TAF2: variants seen among roughly 807,000 people sequenced by gnomAD.
The protein encoded by TAF2 is TATA-box binding protein associated factor 2.
Under a neutral mutation model 138.5 loss-of-function variants are expected in TAF2, and 61 were observed. That is an observed-to-expected ratio of 0.44 (90% CI 0.36 to 0.54). TAF2 has a LOEUF of 0.54. TAF2 is among the 20% of genes least tolerant of loss of function. The pLI is 0.00. For synonymous variants in TAF2, 475 were observed against 469.9 expected (o/e 1.01, Z -0.14); for missense variants, 1,090 against 1,427.9 (o/e 0.76, Z 3.81).
In TAF2 at chr8:119,758,977, T is replaced by G. The variant is rs117575198; in HGVS notation, c.2699-835A>C. ...TAGCATTCTTTTGAAAATCCTAATA[T>G]TAGTATTCTATTTCATTTAAGGTAG... On this transcript the variant is annotated intron_variant, in intron 20 of 25. Transcript: ENST00000378164. Among the ~76,000 whole-genome samples, 1,084 of 152,234 alleles carry G rather than the reference T, an allele frequency of 7.1e-3. 3 individuals are homozygous for G. Among genetic ancestry groups the G allele is most frequent in the Non-Finnish European group, 0.01 (693 of 67,948 alleles).
chr8:119,777,673 G>C (rs1456245287), intron 18 of TAF2, among the ~76,000 whole-genome samples: 2 of 152,098 alleles, frequency 1.3e-5, no homozygotes, highest in Non-Finnish European at 2.9e-5. Flanking sequence ...GGTATCATTA[G>C]GTGAACAAAA....
intron 3 of TAF2, among the ~76,000 whole-genome samples, chr8:119,810,593 G>T (rs1824984343): frequency 6.6e-6 from 1 of 152,164 alleles, no homozygotes; most frequent in African/African-American, 2.4e-5. Context: ...GTACCATTCT[G>T]CATTGCCATC....
intron 6 of TAF2, among the ~76,000 whole-genome samples, chr8:119,799,838 G>A (rs1179353990): frequency 6.6e-6 from 1 of 152,064 alleles, no homozygotes; most frequent in Admixed American, 6.6e-5. Context: ...TTTACTGATC[G>A]CCATTCTAAC....
At chr8:119,736,075 A>G (rs1055882664) in intron 25 of TAF2, among the ~76,000 whole-genome samples, 2 of 152,226 alleles carry the variant, frequency 1.3e-5, no homozygotes, top group Non-Finnish European at 2.9e-5. Flanking sequence ...GGATTGCAGA[A>G]AGCCAGTCAT....
chr8:119,774,120 A>G (rs1360665773), intron 18 of TAF2, among the ~76,000 whole-genome samples: 2 of 151,898 alleles, frequency 1.3e-5, no homozygotes, highest in African/African-American at 2.4e-5. Flanking sequence ...GCAGTGAGCC[A>G]AGATGGCGCC....
chr8:119,742,758 G>A, intron 24 of TAF2, 102 bp from the exon 25 acceptor site: 1 of 1,461,508 alleles, frequency 6.8e-7, no homozygotes, highest in South Asian at 1.2e-5. Flanking sequence ...AAAGACAGAA[G>A]CAATTCATCC....
At chr8:119,821,471 C>G (rs1825804372) in intron 2 of TAF2, among the ~76,000 whole-genome samples, 1 of 152,218 alleles carries the variant, frequency 6.6e-6, no homozygotes, top group Admixed American at 6.5e-5. Flanking sequence ...TACTTACTCT[C>G]CCATTCACTA....
rs1820999112 is a variant in TAF2, at chr8:119,760,643, T to C, written c.2654A>G (p.Asp885Gly). Residue 885 changes from aspartate (D) to glycine (G), a missense_variant, in exon 20 of 26, where the codon GAC (aspartate) becomes GGC (glycine). By Grantham distance (94) the Asp-to-Gly change is moderately conservative (BLOSUM62 -1). This residue lies in a region of TAF2 where 580 missense variants were observed against 719.6 expected (regional missense o/e 0.81). Transcript: ENST00000378164. ...TGCTTCCAAAGCTGCTATCCTAATG[T>C]CCACAAAGTGGCCATATTCAGCATA... The part of the protein sequence containing the change: ...KSYAEYGHFV[D>G]IRIAALEAVV... The C allele has an allele frequency of 3.1e-6, 5 of 1,613,900 alleles. No homozygotes were observed. Among genetic ancestry groups the C allele is most frequent in the Non-Finnish European group, 4.2e-6 (5 of 1,179,952 alleles).
intron 5 of TAF2, 82 bp from the exon 6 acceptor site, chr8:119,802,107 T>C: frequency 8.2e-7 from 1 of 1,216,130 alleles, no homozygotes; most frequent in Non-Finnish European, 1.2e-6. Context: ...TATTTTAGCA[T>C]TTCTAGAAAA....
At chr8:119,762,703 T>A (rs1251293203) in intron 18 of TAF2, 95 bp from the exon 19 acceptor site, 13 of 1,258,130 alleles carry the variant, frequency 1.0e-5, no homozygotes, top group Non-Finnish European at 1.4e-5. Flanking sequence ...TTAGATAAAA[T>A]AAAAATTTTC....
At position 119,832,826 on chromosome 8, in the gene TAF2, CTT is replaced by C; in HGVS notation, c.-264_-263del. The stretch of plus-strand genomic sequence containing the variant: ...GCTCGAAGCTACCATCCGCCGACAT[CTT>C]GTCTGTAACCTCTGACCTCCGACGT... On this transcript the variant is annotated 5_prime_UTR_variant, in exon 1 of 26. Coordinates refer to ENST00000378164, the MANE Select transcript of TAF2 (RefSeq NM_003184.4). 1 of 451,074 alleles carries C rather than the reference CTT, an allele frequency of 2.2e-6. No homozygotes were observed. The highest frequency in any genetic ancestry group is 4.3e-5 in the South Asian group (1 of 23,244). The allele number at this position is 451,074 out of a possible 1,614,324, so 27.9% of individuals were successfully genotyped here. A position where few individuals can be genotyped will look rare whatever the true frequency, so the allele number is the denominator to read the frequency against.
At chr8:119,832,461 G>C (rs766957236) in intron 1 of TAF2, 21 bp downstream of exon 1, 3 of 1,609,880 alleles carry the variant, frequency 1.9e-6, no homozygotes, top group Non-Finnish European at 2.5e-6. Flanking sequence ...AAGGAAGGAA[G>C]GGAAATGAAA....
chr8:119,817,351 A>G (rs1825544851), intron 3 of TAF2, among the ~76,000 whole-genome samples: 1 of 152,064 alleles, frequency 6.6e-6, no homozygotes, highest in Admixed American at 6.6e-5. Context: ...CTAGATTCTC[A>G]TAGGAGCCCA....
chr8:119,808,631 T>C (rs1824832934), intron 3 of TAF2, among the ~76,000 whole-genome samples: 1 of 152,196 alleles, frequency 6.6e-6, no homozygotes, highest in Admixed American at 6.5e-5. Context: ...TGAAATGCAT[T>C]TCTTAAATAA....
intron 17 of TAF2, among the ~76,000 whole-genome samples, chr8:119,778,714 A>C (rs1822432857): frequency 6.6e-6 from 1 of 152,202 alleles, no homozygotes; most frequent in Non-Finnish European, 1.5e-5. Flanking sequence ...CCTCAACCTA[A>C]GGACAAAATG....
chr8:119,737,183 G>A (rs898857567), intron 25 of TAF2, among the ~76,000 whole-genome samples: 6 of 152,042 alleles, frequency 3.9e-5, no homozygotes, highest in Non-Finnish European at 7.4e-5. Context: ...AATAAATAAC[G>A]GCATTTAGAG....
At chr8:119,777,333 C>T (rs1314369625) in intron 18 of TAF2, among the ~76,000 whole-genome samples, 1 of 152,026 alleles carries the variant, frequency 6.6e-6, no homozygotes, top group African/African-American at 2.4e-5. Flanking sequence ...CTGCTGATTG[C>T]TTACTTGTCT....
chr8:119,832,370 T>C (rs1826515079), intron 1 of TAF2, 112 bp downstream of exon 1: 3 of 947,038 alleles, frequency 3.2e-6, no homozygotes, highest in Admixed American at 2.0e-5. Flanking sequence ...GTGAGTAAAT[T>C]CTAGTTTCCC....
Position 119,795,637 on chromosome 8 carries a change from C to A in TAF2, c.1092-6G>T, listed in dbSNP as rs527760321. On this transcript the variant is annotated splice_polypyrimidine_tract_variant and splice_region_variant and intron_variant, in intron 8 of 25. Transcript: ENST00000378164. ...TCAGCACCCATTCATCAGACCTAAG[C>A]AAAAAGTCAAAGCATAAATTACTTT... The A allele has an allele frequency of 6.2e-7, 1 of 1,612,248 alleles. No homozygotes were observed. The highest frequency in any genetic ancestry group is 2.2e-5 in the East Asian group (1 of 44,790).
Sources: allele counts gnomAD v4.1 joint callset (sites outside exome capture counted in the v4.1 genomes callset), GRCh38; gene constraint gnomAD v4.1.1; regional missense constraint gnomAD v4.1.1; transcripts MANE v1.5; gene names NCBI Gene and HGNC (gene_info 2026-07-23, HGNC 2026-07-21).